Variants in SMIM14 observed in about 807,000 individuals in gnomAD.
The protein encoded by SMIM14 is small integral membrane protein 14, also known as chromosome 4 open reading frame 34.
Under a neutral mutation model 12.6 loss-of-function variants are expected in SMIM14, and 5 were observed. That is an observed-to-expected ratio of 0.40 (90% CI 0.21 to 0.83). SMIM14 has a LOEUF of 0.83. Ranked by LOEUF, SMIM14 falls within the 40% of genes least tolerant of loss-of-function variation. The pLI is 0.37. For synonymous variants in SMIM14, 30 were observed against 40.1 expected, an observed-to-expected ratio of 0.75 and a Z score of 0.95; for missense variants, 86 against 119.1, an observed-to-expected ratio of 0.72 and a Z score of 1.29.
intron 1 of SMIM14, among the ~76,000 whole-genome samples, chr4:39,618,948 A>T (rs147908661): frequency 6.6e-6 from 1 of 151,908 alleles, no homozygotes. Context: ...GGCAGCAGGG[A>T]TGCATATACA....
chr4:39,568,130 T>G (rs1712675132), intron 3 of SMIM14, among the ~76,000 whole-genome samples: 1 of 151,900 alleles, frequency 6.6e-6, no homozygotes, highest in East Asian at 1.9e-4. Context: ...ATACAAAAAA[T>G]TAGCCAGGTG....
intron 1 of SMIM14, among the ~76,000 whole-genome samples, chr4:39,636,098 G>A (rs1369356925): frequency 4.7e-5 from 7 of 148,774 alleles, no homozygotes; most frequent in African/African-American, 1.5e-4. Flanking sequence ...ACTTGAACCC[G>A]GGAGGCAGAG....
At chr4:39,616,192 G>A (rs1715217460) in intron 1 of SMIM14, among the ~76,000 whole-genome samples, 1 of 152,180 alleles carries the variant, frequency 6.6e-6, no homozygotes, top group Non-Finnish European at 1.5e-5. Flanking sequence ...CTGGAGTGCA[G>A]TGTCGCCATC....
chr4:39,572,109 T>A (rs1022039639), intron 3 of SMIM14, among the ~76,000 whole-genome samples: 2 of 151,904 alleles, frequency 1.3e-5, no homozygotes, highest in Admixed American at 1.3e-4. Flanking sequence ...CAGCCTTTTT[T>A]TTTCCTTATA....
At chr4:39,589,118 G>A (rs934290947) in intron 2 of SMIM14, among the ~76,000 whole-genome samples, 13 of 152,064 alleles carry the variant, frequency 8.5e-5, no homozygotes, top group Admixed American at 1.3e-4. Context: ...ACAGAGTCTC[G>A]CTCTGTCACC....
At chr4:39,553,352 C>T (rs906711613) in intron 4 of SMIM14, among the ~76,000 whole-genome samples, 7 of 151,966 alleles carry the variant, frequency 4.6e-5, no homozygotes, top group African/African-American at 7.3e-5. Context: ...TGTAAGCCAC[C>T]GTGCCCAGCC....
At chr4:39,594,005 C>T (rs1011482704) in intron 2 of SMIM14, 1 of 152,042 alleles carries the variant, frequency 6.6e-6, no homozygotes, top group Non-Finnish European at 1.5e-5. Flanking sequence ...TCAATGCCAT[C>T]CCCATCAAGC....
At chr4:39,592,529 A>AC (rs2110040818) in intron 2 of SMIM14, 1 of 152,274 alleles carries the variant, frequency 6.6e-6, no homozygotes, top group African/African-American at 2.4e-5. Context: ...ATTTTTTAAA[A>AC]CATTCTGATG....
chr4:39,590,022 CAAAA>C (rs34159677), intron 2 of SMIM14, among the ~76,000 whole-genome samples: 1 of 71,348 alleles, frequency 1.4e-5, no homozygotes, highest in Non-Finnish European at 2.6e-5. Context: ...GACTCTGTTT[CAAAA>C]AAAAAAAAAA....
Position 39,637,695 on chromosome 4 carries a change from A to C in SMIM14, c.-36+1044T>G, listed in dbSNP as rs914222568. Among the ~76,000 whole-genome samples, 139 of 152,168 alleles carry C rather than the reference A, an allele frequency of 9.1e-4. 1 individual carries two copies. The highest frequency in any genetic ancestry group is 8.9e-3 in the Admixed American group (136 of 15,266). On this transcript the variant is annotated intron_variant, in intron 1 of 4. Transcript: ENST00000295958. ...GGCAAGTTCGGAGCAGGCTACACTA[A>C]AGGAATCTGCGCGGCCAGCCACCCT...
At chr4:39,568,745 G>A (rs984352702) in intron 3 of SMIM14, among the ~76,000 whole-genome samples, 4 of 151,954 alleles carry the variant, frequency 2.6e-5, no homozygotes, top group African/African-American at 9.7e-5. Flanking sequence ...ATTATTTTAA[G>A]AAAAAAGTAT....
At chr4:39,561,485 A>C (rs1578312668) in intron 3 of SMIM14, among the ~76,000 whole-genome samples, 1 of 152,148 alleles carries the variant, frequency 6.6e-6, no homozygotes, top group East Asian at 1.9e-4. Context: ...AGCTGAGATT[A>C]CAGGTGTCAG....
At chr4:39,584,602 C>T (rs1277867270) in intron 2 of SMIM14, among the ~76,000 whole-genome samples, 2 of 149,694 alleles carry the variant, frequency 1.3e-5, no homozygotes, top group Admixed American at 6.7e-5. Context: ...TCAAGACCAG[C>T]CTGGGCAATA....
rs146798763 is a variant in SMIM14 at position 39,562,710 on chromosome 4, T to C, written c.125-6140A>G. ...TTTTTAGAGACAGGGTCTCACTATG[T>C]TGCCCAGGCTGATCTCGAATTCCTG... On this transcript the variant is annotated intron_variant, in intron 3 of 4. Transcript: ENST00000295958. Among the ~76,000 whole-genome samples, 25 of 152,154 alleles carry C rather than the reference T, an allele frequency of 1.6e-4. No homozygotes were observed. The East Asian group carries it at 4.6e-3, about 28-fold the overall frequency.
intron 2 of SMIM14, among the ~76,000 whole-genome samples, chr4:39,598,129 G>A (rs1044859740): frequency 6.6e-6 from 1 of 152,072 alleles, no homozygotes; most frequent in East Asian, 1.9e-4. Context: ...AGCAACTCTC[G>A]TGGTTTTAGC....
chr4:39,609,802 A>G (rs554908599), intron 1 of SMIM14, among the ~76,000 whole-genome samples: 8 of 152,334 alleles, frequency 5.3e-5, no homozygotes, highest in Admixed American at 1.3e-4. Context: ...GGGAAGCCAC[A>G]GTAGGTAGAG....
intron 4 of SMIM14, among the ~76,000 whole-genome samples, chr4:39,553,919 G>A (rs1466475545): frequency 6.6e-6 from 1 of 152,060 alleles, no homozygotes; most frequent in Non-Finnish European, 1.5e-5. Context: ...CTTAAAGTTA[G>A]CATGCTACGT....
intron 3 of SMIM14, among the ~76,000 whole-genome samples, chr4:39,571,971 T>G (rs1355676339): frequency 6.6e-6 from 1 of 151,844 alleles, no homozygotes; most frequent in East Asian, 1.9e-4. Flanking sequence ...GCCCCACTAA[T>G]TTTTGTATTT....
At chr4:39,591,748 T>C (rs1200153711) in intron 2 of SMIM14, among the ~76,000 whole-genome samples, 1 of 152,008 alleles carries the variant, frequency 6.6e-6, no homozygotes, top group African/African-American at 2.4e-5. Flanking sequence ...TAGAGACTAC[T>C]ACCAACAGGG....
Sources: gnomAD v4.1 joint callset for allele counts (sites outside exome capture counted in the v4.1 genomes callset) on GRCh38, gnomAD v4.1.1 for gene constraint, MANE v1.5 for transcripts, NCBI Gene and HGNC (gene_info 2026-07-23, HGNC 2026-07-21) for gene names.